Variants in NPAS3 observed in about 807,000 individuals in gnomAD.
NPAS3 encodes neuronal PAS domain protein 3, also known as neuronal PAS domain-containing protein 3.
NPAS3 carries 14 observed loss-of-function variants against 73.1 expected under a neutral mutation model. The ratio of observed to expected loss-of-function variants is 0.19; its 90% CI spans 0.13 to 0.30. The LOEUF (loss-of-function observed/expected upper bound fraction) is 0.30. NPAS3 is among the 10% of genes least tolerant of loss of function. The pLI is 1.00. For synonymous variants in NPAS3, 620 were observed against 541.5 expected (o/e 1.14, Z -2.01); for missense variants, 1,096 against 1,250.0 (o/e 0.88, Z 1.86).
chr14:33,539,737 ATTG>A (rs1555409031), intron 4 of NPAS3, among the ~76,000 whole-genome samples: 1 of 152,002 alleles, frequency 6.6e-6, no homozygotes. Flanking sequence ...GCATGTTTCT[ATTG>A]TTAACATTCT....
At chr14:33,721,886 G>T (rs1357710152) in intron 6 of NPAS3, among the ~76,000 whole-genome samples, 1 of 152,116 alleles carries the variant, frequency 6.6e-6, no homozygotes, top group African/African-American at 2.4e-5. Flanking sequence ...AGGGATAAAT[G>T]CAATAATAAA....
chr14:32,961,789 T>C (rs2036932402), intron 1 of NPAS3, among the ~76,000 whole-genome samples: 1 of 152,316 alleles, frequency 6.6e-6, no homozygotes, highest in African/African-American at 2.4e-5. Context: ...CTAAGTCTTT[T>C]AGAAGCTATG....
intron 1 of NPAS3, among the ~76,000 whole-genome samples, chr14:33,005,332 CAT>C (rs1456954874): frequency 1.3e-4 from 20 of 152,122 alleles, no homozygotes; most frequent in Non-Finnish European, 2.2e-4. Context: ...GTACCACTTA[CAT>C]ATATGTGTTC....
chr14:33,188,029 A>G (rs11628460), intron 2 of NPAS3, among the ~76,000 whole-genome samples: 41,169 of 152,092 alleles, frequency 0.27, 5,929 homozygotes, highest in East Asian at 0.51. Context: ...TAACTTGCCT[A>G]TGATTACATA....
intron 4 of NPAS3, among the ~76,000 whole-genome samples, chr14:33,431,021 A>G (rs1023549259): frequency 1.3e-5 from 2 of 152,228 alleles, no homozygotes; most frequent in Non-Finnish European, 2.9e-5. Flanking sequence ...ACAAATACAA[A>G]GGAAAGATCA....
At chr14:33,387,880 T>C (rs1190144797) in intron 4 of NPAS3, among the ~76,000 whole-genome samples, 2 of 152,256 alleles carry the variant, frequency 1.3e-5, no homozygotes, top group Non-Finnish European at 1.5e-5. Context: ...CTTGTAGATT[T>C]CTTCAGTCAG....
chr14:33,401,913 G>A lies in NPAS3; in HGVS notation c.468+34645G>A, dbSNP rs948491234. Among the ~76,000 whole-genome samples the A allele has an allele frequency of 2.6e-5, 4 of 152,000 alleles. No individual in the cohort carries two copies. The East Asian group carries it at 7.8e-4, about 29-fold the overall frequency. On this transcript the variant is annotated intron_variant, in intron 4 of 11. Transcript: ENST00000356141. ...GGCACTCCAAGGATAGCGTTAACAA[G>A]GGAACAGGCTACATTTCAAGTTAAA...
intron 7 of NPAS3, among the ~76,000 whole-genome samples, chr14:33,740,261 T>G (rs1595532346): frequency 6.6e-6 from 1 of 152,288 alleles, no homozygotes; most frequent in South Asian, 2.1e-4. Flanking sequence ...AATGGAGGCA[T>G]AGAAATACAA....
intron 4 of NPAS3, among the ~76,000 whole-genome samples, chr14:33,490,461 C>A (rs1046815691): frequency 4.6e-5 from 7 of 152,126 alleles, no homozygotes; most frequent in Non-Finnish European, 7.4e-5. Context: ...GAGGGTTGTA[C>A]TTCCTCACCT....
At chr14:33,116,525 CTAAGA>C (rs745802083) in intron 2 of NPAS3, among the ~76,000 whole-genome samples, 12 of 152,078 alleles carry the variant, frequency 7.9e-5, no homozygotes, top group Non-Finnish European at 1.8e-4. Context: ...TAAGACATTA[CTAAGA>C]TAAGTGCTAT....
intron 3 of NPAS3, among the ~76,000 whole-genome samples, chr14:33,277,935 A>T (rs1460063680): frequency 1.3e-5 from 2 of 152,128 alleles, no homozygotes; most frequent in South Asian, 4.1e-4. Flanking sequence ...GTGGAAGCAG[A>T]GAGACTAGTT....
At chr14:33,018,917 C>T (rs144226333) in intron 1 of NPAS3, among the ~76,000 whole-genome samples, 1 of 149,526 alleles carries the variant, frequency 6.7e-6, no homozygotes, top group African/African-American at 2.5e-5. Context: ...GATCTAAGAA[C>T]ACAGGGAGTG....
intron 4 of NPAS3, among the ~76,000 whole-genome samples, chr14:33,510,515 A>G (rs1595058005): frequency 6.6e-6 from 1 of 152,058 alleles, no homozygotes; most frequent in Non-Finnish European, 1.5e-5. Flanking sequence ...AGGACATACA[A>G]TTCCTCACAA....
intron 9 of NPAS3, among the ~76,000 whole-genome samples, chr14:33,779,949 T>G (rs2062929076): frequency 6.6e-6 from 1 of 152,212 alleles, no homozygotes; most frequent in Non-Finnish European, 1.5e-5. Flanking sequence ...CTTATCTTGG[T>G]CAAAGAGAGC....
intron 1 of NPAS3, among the ~76,000 whole-genome samples, chr14:33,052,188 G>A (rs973193865): frequency 6.6e-6 from 1 of 152,170 alleles, no homozygotes; most frequent in African/African-American, 2.4e-5. Context: ...CCCAAGAGTG[G>A]CAAAGGATCC....
intron 4 of NPAS3, among the ~76,000 whole-genome samples, chr14:33,478,901 G>T (rs182371941): frequency 1.2e-3 from 181 of 152,148 alleles, no homozygotes; most frequent in Middle Eastern, 3.4e-3. Context: ...TAACTCTCTG[G>T]CTGCCAATCT....
At chr14:33,238,343 T>C (rs1319520224) in intron 3 of NPAS3, among the ~76,000 whole-genome samples, 1 of 152,066 alleles carries the variant, frequency 6.6e-6, no homozygotes, top group East Asian at 1.9e-4. Context: ...GTCATTTTTA[T>C]TGAAAGCATA....
chr14:33,410,073 T>C (rs989163624), intron 4 of NPAS3, among the ~76,000 whole-genome samples: 11 of 152,184 alleles, frequency 7.2e-5, no homozygotes, highest in African/African-American at 2.7e-4. Context: ...AAATAGATTT[T>C]TAAATATTTG....
intron 4 of NPAS3, among the ~76,000 whole-genome samples, chr14:33,516,001 G>A (rs1256387594): frequency 6.6e-6 from 1 of 152,038 alleles, no homozygotes; most frequent in Admixed American, 6.6e-5. Context: ...CACTTTCTAT[G>A]AGGTAAGATA....
Sources: allele counts gnomAD v4.1 joint callset (sites outside exome capture counted in the v4.1 genomes callset), GRCh38; gene constraint gnomAD v4.1.1; transcripts MANE v1.5; gene names NCBI Gene and HGNC (gene_info 2026-07-23, HGNC 2026-07-21).